Variants in DAB1 observed in about 807,000 individuals in gnomAD.
DAB1 encodes the protein disabled homolog 1.
In DAB1, 15 loss-of-function variants were observed where a neutral mutation model predicts 64.6. The ratio of observed to expected loss-of-function variants is 0.23; its 90% CI spans 0.16 to 0.36. DAB1 has a LOEUF of 0.36. DAB1 is among the 10% of genes least tolerant of loss of function. DAB1 has a pLI of 1.00. For missense variants in DAB1, 596 were observed against 706.7 expected (o/e 0.84, Z 1.78); for synonymous variants, 235 against 251.9 (o/e 0.93, Z 0.64).
chr1:58,502,266 T>A (rs1169641684), intron 3 of DAB1, among the ~76,000 whole-genome samples: 2 of 152,202 alleles, frequency 1.3e-5, no homozygotes, highest in East Asian at 3.9e-4. Context: ...CTTTCTTGGT[T>A]TCCTATTTGC....
intron 7 of DAB1, among the ~76,000 whole-genome samples, chr1:57,464,045 T>C (rs531172891): frequency 6.6e-6 from 1 of 152,208 alleles, no homozygotes; most frequent in Non-Finnish European, 1.5e-5. Flanking sequence ...ATCTTGATTT[T>C]TTTCTTCGAT....
intron 2 of DAB1, among the ~76,000 whole-genome samples, chr1:57,154,257 T>A (rs969953048): frequency 3.7e-4 from 56 of 152,308 alleles, no homozygotes; most frequent in African/African-American, 1.3e-3. Context: ...TTGTTTTGAT[T>A]TTTAGATCCC....
intron 5 of DAB1, among the ~76,000 whole-genome samples, chr1:58,096,371 A>G (rs1475978730): frequency 2.0e-5 from 3 of 152,240 alleles, no homozygotes; most frequent in Non-Finnish European, 4.4e-5. Flanking sequence ...GTATAAATTG[A>G]TCATAAGTGA....
chr1:58,373,418 C>T (rs925289200), intron 3 of DAB1, among the ~76,000 whole-genome samples: 19 of 147,452 alleles, frequency 1.3e-4, no homozygotes, highest in Non-Finnish European at 2.2e-4. Context: ...TGAGAATATG[C>T]GGTGTTTGGT....
At chr1:57,929,088 C>G (rs576032138) in intron 5 of DAB1, among the ~76,000 whole-genome samples, 2 of 152,304 alleles carry the variant, frequency 1.3e-5, no homozygotes, top group East Asian at 3.9e-4. Context: ...TGTTGCAAAT[C>G]CTCTCCAGCA....
At chr1:57,788,725 G>T (rs1345107045) in intron 6 of DAB1, among the ~76,000 whole-genome samples, 1 of 152,114 alleles carries the variant, frequency 6.6e-6, no homozygotes, top group Non-Finnish European at 1.5e-5. Context: ...CCTTTTCTGA[G>T]CCTGATTCTT....
At chr1:58,300,604 GAAAGAA>G (rs1291387358) in intron 4 of DAB1, among the ~76,000 whole-genome samples, 2,802 of 35,538 alleles carry the variant, frequency 0.079, 59 homozygotes, top group East Asian at 0.13. Flanking sequence ...AAGAAAGAAA[GAAAGAA>G]AGAGAGAGAG....
chr1:57,697,690 T>C (rs74320918), intron 6 of DAB1, among the ~76,000 whole-genome samples: 5,077 of 152,192 alleles, frequency 0.033, 86 homozygotes, highest in Middle Eastern at 0.068. Context: ...TCAACAAACA[T>C]ACCCTGGGAA....
At chr1:57,342,131 C>T (rs1171022609) in intron 1 of DAB1, among the ~76,000 whole-genome samples, 1 of 152,196 alleles carries the variant, frequency 6.6e-6, no homozygotes, top group African/African-American at 2.4e-5. Flanking sequence ...CAGAAGTTCT[C>T]AAAATGAACC....
chr1:57,631,905 C>T (rs1184487052), intron 7 of DAB1, among the ~76,000 whole-genome samples: 1 of 152,100 alleles, frequency 6.6e-6, no homozygotes, highest in Non-Finnish European at 1.5e-5. Flanking sequence ...CTCCATGTTA[C>T]CAGGACACAG....
intron 1 of DAB1, among the ~76,000 whole-genome samples, chr1:57,832,755 G>A (rs1652645560): frequency 6.6e-6 from 1 of 152,116 alleles, no homozygotes; most frequent in African/African-American, 2.4e-5. Context: ...CTTTCTATTT[G>A]TTCTCTCCTG....
intron 9 of DAB1, among the ~76,000 whole-genome samples, chr1:57,034,364 C>T (rs1026238030): frequency 6.6e-6 from 1 of 151,670 alleles, no homozygotes; most frequent in Non-Finnish European, 1.5e-5. Flanking sequence ...AAAGCCACCT[C>T]CTCCATGAAG....
chr1:57,904,346 G>A (rs760283235), intron 5 of DAB1, among the ~76,000 whole-genome samples: 17 of 152,026 alleles, frequency 1.1e-4, no homozygotes, highest in Non-Finnish European at 2.4e-4. Context: ...TCAAAATCTT[G>A]CTCGAGGGTC....
At chr1:57,781,120 C>CTATATATA (rs1650064417) in intron 6 of DAB1, among the ~76,000 whole-genome samples, 2 of 48,328 alleles carry the variant, frequency 4.1e-5, no homozygotes, top group Non-Finnish European at 7.0e-5. Context: ...CTCTCTCTCT[C>CTATATATA]TCTCTCTATA....
intron 5 of DAB1, among the ~76,000 whole-genome samples, chr1:58,096,265 A>G (rs1650973716): frequency 6.6e-6 from 1 of 152,240 alleles, no homozygotes; most frequent in African/African-American, 2.4e-5. Context: ...TCCCTTTTCC[A>G]TGGCCTCTTT....
intron 5 of DAB1, among the ~76,000 whole-genome samples, chr1:57,946,668 G>A (rs1011085035): frequency 6.6e-6 from 1 of 152,210 alleles, no homozygotes; most frequent in Non-Finnish European, 1.5e-5. Flanking sequence ...CTGCAAGGCA[G>A]CCCTCTCCAC....
chr1:57,310,216 G>GT (rs1674564664), intron 1 of DAB1, among the ~76,000 whole-genome samples: 2 of 152,266 alleles, frequency 1.3e-5, no homozygotes, highest in African/African-American at 4.8e-5. Flanking sequence ...CTGGAGGGGA[G>GT]TAAGTCTTTT....
At chr1:58,097,969 T>C (rs1356257403) in intron 5 of DAB1, among the ~76,000 whole-genome samples, 1 of 152,138 alleles carries the variant, frequency 6.6e-6, no homozygotes, top group African/African-American at 2.4e-5. Context: ...AGTTCCAAAA[T>C]AGTTACATCA....
chr1:57,191,660 A>C (rs757848468), intron 2 of DAB1, among the ~76,000 whole-genome samples: 4 of 152,322 alleles, frequency 2.6e-5, no homozygotes, highest in Non-Finnish European at 4.4e-5. Flanking sequence ...CTCCAAAAAC[A>C]GTGGTGCCTC....
Sources: gnomAD v4.1 joint callset for allele counts (sites outside exome capture counted in the v4.1 genomes callset) on GRCh38, gnomAD v4.1.1 for gene constraint, MANE v1.5 for transcripts, NCBI Gene and HGNC (gene_info 2026-07-23, HGNC 2026-07-21) for gene names.